UBA2: variants seen among roughly 807,000 people sequenced by gnomAD.
UBA2 encodes the protein ubiquitin like modifier activating enzyme 2.
In UBA2, 11 loss-of-function variants were observed where a neutral mutation model predicts 77.2. The ratio of observed to expected loss-of-function variants is 0.14; its 90% CI spans 0.09 to 0.24. The LOEUF (loss-of-function observed/expected upper bound fraction) is 0.24, where lower values mean the gene tolerates loss of function less well. Among genes scored for constraint, UBA2 ranks in the 10% least tolerant of loss-of-function variants. The pLI is 1.00. For synonymous variants in UBA2, 278 were observed against 276.7 expected (o/e 1.00, Z -0.05); for missense variants, 487 against 781.7 (o/e 0.62, Z 4.50).
At chr19:34,440,649 A>AT (rs200180997) in intron 6 of UBA2, among the ~76,000 whole-genome samples, 3,530 of 152,268 alleles carry the variant, frequency 0.023, 59 homozygotes, top group Non-Finnish European at 0.036. Flanking sequence ...TATCCTGGGA[A>AT]TGGGCGCAGT....
At chr19:34,447,038 T>C (rs1419582235) in intron 8 of UBA2, among the ~76,000 whole-genome samples, 1 of 151,932 alleles carries the variant, frequency 6.6e-6, no homozygotes, top group African/African-American at 2.4e-5. Flanking sequence ...GTTGATAGAG[T>C]ATTAATTCAC....
intron 5 of UBA2, among the ~76,000 whole-genome samples, chr19:34,438,376 G>A (rs1024608643): frequency 6.6e-6 from 1 of 152,188 alleles, no homozygotes; most frequent in Non-Finnish European, 1.5e-5. Context: ...TTGACACTCA[G>A]GTGTAGTAAT....
intron 8 of UBA2, among the ~76,000 whole-genome samples, chr19:34,449,723 GT>G (rs1350405439): frequency 6.6e-6 from 1 of 151,994 alleles, no homozygotes; most frequent in Non-Finnish European, 1.5e-5. Context: ...TTTTATTTTT[GT>G]TCATGTTTCT....
rs771463029 is a variant in UBA2, at chr19:34,467,027, C to T, written c.1741+13C>T. 2 of 1,607,806 alleles carry T rather than the reference C, an allele frequency of 1.2e-6. No homozygotes were observed. The highest frequency in any genetic ancestry group is 2.2e-5 in the East Asian group (1 of 44,692). ...TCCACCTCCACAGGTGAGTATGGCC[C>T]CAGCCAGCAGGTTGTTAAATACCCA... On this transcript the variant is annotated intron_variant, in intron 16 of 16. Coordinates refer to ENST00000246548, the MANE Select transcript of UBA2 (RefSeq NM_005499.3).
intron 1 of UBA2, among the ~76,000 whole-genome samples, chr19:34,429,475 T>G (rs576400210): frequency 6.6e-6 from 1 of 152,124 alleles, no homozygotes; most frequent in Admixed American, 6.6e-5. Context: ...TAAGCAAAAA[T>G]TAGATAAAAC....
At chr19:34,451,536 G>GTTTTTTTT (rs773178552) in intron 9 of UBA2, among the ~76,000 whole-genome samples, 2 of 62,944 alleles carry the variant, frequency 3.2e-5, no homozygotes, top group Non-Finnish European at 2.9e-5. Flanking sequence ...AGGTTTAACA[G>GTTTTTTTT]TTTTTTTTTT....
Position 34,460,585 on chromosome 19 carries a change from A to G in UBA2, c.1498+19A>G, listed in dbSNP as rs765342293. On this transcript the variant is annotated intron_variant, in intron 14 of 16. Coordinates refer to ENST00000246548, the MANE Select transcript of UBA2 (RefSeq NM_005499.3). Reference sequence around the variant, plus strand: ...ACGGAAGGTATCATACATTGTATTTATTCATTCCTCTCATTGAGGAGACTG... The same window carrying G: ...ACGGAAGGTATCATACATTGTATTTGTTCATTCCTCTCATTGAGGAGACTG... The G allele has an allele frequency of 2.1e-5, 32 of 1,541,754 alleles. No homozygotes were observed. Among genetic ancestry groups the G allele is most frequent in the African/African-American group, 1.9e-4 (14 of 72,456 alleles).
chr19:34,464,968 G>A (rs932827355), intron 15 of UBA2, among the ~76,000 whole-genome samples: 1 of 152,098 alleles, frequency 6.6e-6, no homozygotes, highest in African/African-American at 2.4e-5. Context: ...AACTTAGGAG[G>A]CAGAGGTTGC....
In UBA2 at chr19:34,430,568, A is replaced by G. The variant is rs1168667822; in HGVS notation, c.139-8A>G. 6.2e-7 allele frequency: 1 copy of G among 1,607,656 alleles called. No homozygotes were observed. The highest frequency in any genetic ancestry group is 1.3e-5 in the African/African-American group (1 of 74,908). On this transcript the variant is annotated splice_region_variant and splice_polypyrimidine_tract_variant and intron_variant, in intron 1 of 16. Coordinates refer to ENST00000246548, the MANE Select transcript of UBA2 (RefSeq NM_005499.3). Reference sequence around the variant, plus strand: ...TTTGTCATTTATCTGGGGTTTATGCATTTGTAGATTGATCTGGATACTATT... The same window carrying G: ...TTTGTCATTTATCTGGGGTTTATGCGTTTGTAGATTGATCTGGATACTATT...
At chr19:34,452,579 A>G (rs914221991) in intron 10 of UBA2, among the ~76,000 whole-genome samples, 2 of 152,242 alleles carry the variant, frequency 1.3e-5, no homozygotes, top group African/African-American at 4.8e-5. Flanking sequence ...AGCTCTTGAT[A>G]CAAAAATGAG....
chr19:34,435,363 C>T lies in UBA2; in HGVS notation c.459+395C>T, dbSNP rs1384679904. ...CAGTAAGCTGAGATTGCACCACTGC[C>T]CTCCAGCCTGGGCTACAGATCAAGC... On this transcript the variant is annotated intron_variant, in intron 5 of 16. Coordinates refer to ENST00000246548, the MANE Select transcript of UBA2 (RefSeq NM_005499.3). Among the ~76,000 whole-genome samples, 4 of 152,088 alleles carry T rather than the reference C, an allele frequency of 2.6e-5. No individual in the cohort carries two copies. The East Asian group carries it at 7.7e-4, about 29-fold the overall frequency.
intron 13 of UBA2, among the ~76,000 whole-genome samples, chr19:34,459,699 A>G (rs1008743787): frequency 2.6e-5 from 4 of 151,960 alleles, no homozygotes; most frequent in Non-Finnish European, 5.9e-5. Flanking sequence ...ATCACTTCCT[A>G]TTGTTCTCTG....
At chr19:34,468,615 A>T (rs2075710857) in intron 16 of UBA2, among the ~76,000 whole-genome samples, 1 of 152,220 alleles carries the variant, frequency 6.6e-6, no homozygotes, top group Non-Finnish European at 1.5e-5. Context: ...GCAGATACTC[A>T]TGTGATCTTC....
At chr19:34,455,587 C>A (rs1391898537) in intron 12 of UBA2, among the ~76,000 whole-genome samples, 1 of 152,042 alleles carries the variant, frequency 6.6e-6, no homozygotes, top group African/African-American at 2.4e-5. Context: ...TCAGAAATTT[C>A]AAAAAATATC....
intron 12 of UBA2, among the ~76,000 whole-genome samples, chr19:34,457,179 A>AAAATATATATATATATATATAT (rs1262007864): frequency 3.2e-4 from 17 of 53,210 alleles, no homozygotes; most frequent in African/African-American, 4.7e-4. Context: ...AAAAAAAAAA[A>AAAATATATATATATATATATAT]ATATATATAT....
intron 2 of UBA2, among the ~76,000 whole-genome samples, chr19:34,431,420 TCCTGTCATTCTCATGGC>T (rs1413710825): frequency 1.3e-5 from 2 of 152,010 alleles, no homozygotes; most frequent in Admixed American, 6.6e-5. Context: ...CCTGGCCTTT[TCCTGTCATTCTCATGGC>T]ATTTATCAGA....
chr19:34,467,510 C>T (rs970242341), intron 16 of UBA2, among the ~76,000 whole-genome samples: 1 of 151,250 alleles, frequency 6.6e-6, no homozygotes, highest in African/African-American at 2.4e-5. Context: ...CATGGTGGCT[C>T]ACACCTGTAA....
chr19:34,428,476 T>C lies in UBA2; in HGVS notation c.44T>C (p.Val15Ala). The stretch of plus-strand genomic sequence containing the variant: ...CTGCCCCGGGAGCTGGCTGAGGCGG[T>C]GGCCGGGGGCCGGGTGCTGGTGGTG... Reference protein sequence around the residue: ...RGLPRELAEAVAGGRVLVVGA... With the variant: ...RGLPRELAEAAAGGRVLVVGA... Residue 15 changes from valine to alanine, a missense_variant, in exon 1 of 17, where the codon GTG becomes GCG. By Grantham distance (64) the Val-to-Ala change is moderately conservative. This residue lies in a region of UBA2 where 30 missense variants were observed against 27.4 expected (regional missense o/e 1.09). Transcript: ENST00000246548. The C allele has an allele frequency of 7.7e-7, 1 of 1,291,304 alleles. No homozygotes were observed. Among genetic ancestry groups the C allele is most frequent in the Non-Finnish European group, 9.9e-7 (1 of 1,013,966 alleles). 80.0% of individuals were successfully genotyped at this position (1,291,304 alleles called of 1,614,324 possible).
Position 34,445,024 on chromosome 19 carries a change from G to C in UBA2, c.674G>C (p.Arg225Thr). 2 of 1,613,726 alleles carry C rather than the reference G, an allele frequency of 1.2e-6. No homozygotes were observed. Among genetic ancestry groups the C allele is most frequent in the Non-Finnish European group, 1.7e-6 (2 of 1,179,902 alleles). The stretch of plus-strand genomic sequence containing the variant: ...GGGGAACCAACGGAAGCCGAAGCCA[G>C]AGCTAGAGCATCTAATGAAGATGGT... ...AAWEPTEAEA[R>T]ARASNEDGDI... is the part of the protein sequence containing the mutation. Residue 225 changes from arginine to threonine, a missense_variant, in exon 8 of 17, where the codon AGA (arginine) becomes ACA (threonine). Physicochemically the swap from Arg to Thr is moderately conservative, Grantham distance 71. This residue lies in a region of UBA2 where 300 missense variants were observed against 454.3 expected (regional missense o/e 0.66). Coordinates refer to ENST00000246548, the MANE Select transcript of UBA2 (RefSeq NM_005499.3).
Sources: allele counts gnomAD v4.1 joint callset (sites outside exome capture counted in the v4.1 genomes callset), GRCh38; gene constraint gnomAD v4.1.1; regional missense constraint gnomAD v4.1.1; transcripts MANE v1.5; gene names NCBI Gene and HGNC (gene_info 2026-07-23, HGNC 2026-07-21).